PPARGC1A: variants seen among roughly 807,000 people sequenced by gnomAD.
PPARGC1A encodes PPARG coactivator 1 alpha.
Under a neutral mutation model 88.7 loss-of-function variants are expected in PPARGC1A, and 25 were observed. That is an observed-to-expected ratio of 0.28 (90% CI 0.21 to 0.39). PPARGC1A has a LOEUF of 0.39. PPARGC1A is among the 10% of genes least tolerant of loss of function. The pLI is 1.00. For missense variants in PPARGC1A, 880 were observed against 968.7 expected, an observed-to-expected ratio of 0.91 and a Z score of 1.22; for synonymous variants, 363 against 355.6, an observed-to-expected ratio of 1.02 and a Z score of -0.24.
At chr4:24,299,562 C>G in the PPARGC1A span, among the ~76,000 whole-genome samples, 9 of 152,240 alleles carry the variant, frequency 5.9e-5, no homozygotes, top group South Asian at 1.9e-3. Context: ...AGAGCTAGCT[C>G]ACTCCTTGGA....
intron 5 of PPARGC1A, among the ~76,000 whole-genome samples, 169 bp downstream of exon 5, chr4:23,828,231 G>A (rs1724339772): frequency 6.6e-6 from 1 of 152,176 alleles, no homozygotes; most frequent in South Asian, 2.1e-4. Flanking sequence ...TGTTTAACCT[G>A]TGTCCAAGGA....
Position 23,811,190 on chromosome 4 carries a change from C to G in PPARGC1A, c.2019+1557G>C, listed in dbSNP as rs58922635. 4.6e-3 allele frequency among the ~76,000 whole-genome samples: 700 copies of G among 152,302 alleles called. 3 individuals are homozygous for G. The highest frequency in any genetic ancestry group is 0.014 in the African/African-American group (602 of 41,558). On this transcript the variant is annotated intron_variant, in intron 10 of 12. Coordinates refer to ENST00000264867, the MANE Select transcript of PPARGC1A (RefSeq NM_013261.5). ...TGTGTTGAACAAATCTCTCATTTAA[C>G]CTTTTTCCTCCAGCTGGTAACTGTT...
the PPARGC1A span, among the ~76,000 whole-genome samples, chr4:24,451,189 A>T: frequency 6.6e-6 from 1 of 152,208 alleles, no homozygotes; most frequent in Non-Finnish European, 1.5e-5. Context: ...TGATGTCTGC[A>T]TAAAAATGGA....
At chr4:24,042,775 T>C in the PPARGC1A span, among the ~76,000 whole-genome samples, 2 of 152,164 alleles carry the variant, frequency 1.3e-5, no homozygotes, top group Non-Finnish European at 2.9e-5. Context: ...ATGTGCCCTA[T>C]GGGTATATAA....
chr4:24,154,222 CTGTGTTCTACCACAG>C, the PPARGC1A span, among the ~76,000 whole-genome samples: 13,959 of 152,240 alleles, frequency 0.092, 671 homozygotes, highest in African/African-American at 0.11. Flanking sequence ...CGCTCATAAG[CTGTGTTCTACCACAG>C]TGACTTATGT....
At chr4:24,046,618 C>G in the PPARGC1A span, among the ~76,000 whole-genome samples, 1 of 152,228 alleles carries the variant, frequency 6.6e-6, no homozygotes, top group African/African-American at 2.4e-5. Flanking sequence ...TTTAGTATGT[C>G]CTGTGTGGCA....
At chr4:24,109,192 C>G in the PPARGC1A span, among the ~76,000 whole-genome samples, 1 of 151,782 alleles carries the variant, frequency 6.6e-6, no homozygotes, top group African/African-American at 2.4e-5. Flanking sequence ...AATATGGCCC[C>G]CAGCAGGCCT....
chr4:24,455,674 G>A, the PPARGC1A span, among the ~76,000 whole-genome samples: 2 of 152,310 alleles, frequency 1.3e-5, no homozygotes, highest in African/African-American at 2.4e-5. Context: ...ATGGATTACT[G>A]TCATTATCTC....
chr4:24,339,373 T>C, the PPARGC1A span, among the ~76,000 whole-genome samples: 1 of 151,942 alleles, frequency 6.6e-6, no homozygotes. Context: ...ATTTTTTTTT[T>C]CTTTATCTTA....
At chr4:24,271,461 T>A in the PPARGC1A span, among the ~76,000 whole-genome samples, 1 of 152,248 alleles carries the variant, frequency 6.6e-6, no homozygotes, top group African/African-American at 2.4e-5. Context: ...CACTGTAAGC[T>A]CCACCACCCA....
chr4:24,370,749 CTTTTTTTTTTTTTTT>C, the PPARGC1A span, among the ~76,000 whole-genome samples: 87 of 62,920 alleles, frequency 1.4e-3, no homozygotes, highest in South Asian at 5.0e-3. Flanking sequence ...CTGTCTCTCT[CTTTTTTTTTTTTTTT>C]TTTTTTTTTT....
chr4:23,880,256 T>C (rs1715662132), intron 2 of PPARGC1A, among the ~76,000 whole-genome samples: 1 of 152,192 alleles, frequency 6.6e-6, no homozygotes. Flanking sequence ...TTCCTAATTG[T>C]TTTACATTTG....
At chr4:23,813,355 G>A (rs948635417) in intron 8 of PPARGC1A, among the ~76,000 whole-genome samples, 3 of 152,136 alleles carry the variant, frequency 2.0e-5, no homozygotes, top group African/African-American at 4.8e-5. Context: ...TGAGCACCAG[G>A]TCTGGTACAC....
At chr4:23,844,238 C>A (rs1287801934) in intron 2 of PPARGC1A, among the ~76,000 whole-genome samples, 2 of 147,798 alleles carry the variant, frequency 1.4e-5, no homozygotes, top group Non-Finnish European at 3.0e-5. Context: ...AGTTTATAAT[C>A]TAGTCAAGGG....
intron 12 of PPARGC1A, among the ~76,000 whole-genome samples, chr4:23,800,682 T>C (rs56802219): frequency 0.028 from 4,258 of 151,536 alleles, 210 homozygotes; most frequent in African/African-American, 0.098. Flanking sequence ...AATCACTTCG[T>C]TGGTAATAGT....
the PPARGC1A span, among the ~76,000 whole-genome samples, chr4:23,979,730 C>A: frequency 3.4e-3 from 512 of 152,300 alleles, 5 homozygotes; most frequent in African/African-American, 0.012. Context: ...CCTGGCTGTG[C>A]AGGGAGGGAA....
chr4:24,254,182 C>T, the PPARGC1A span, among the ~76,000 whole-genome samples: 1 of 152,150 alleles, frequency 6.6e-6, no homozygotes, highest in East Asian at 1.9e-4. Flanking sequence ...TTACGAACTG[C>T]CTGGTATCTT....
chr4:24,430,016 T>C, the PPARGC1A span, among the ~76,000 whole-genome samples: 3 of 152,082 alleles, frequency 2.0e-5, no homozygotes, highest in African/African-American at 4.8e-5. Context: ...CCTGGTCCTA[T>C]GTAAGAACCT....
chr4:24,010,665 A>G, the PPARGC1A span, among the ~76,000 whole-genome samples: 1 of 152,336 alleles, frequency 6.6e-6, no homozygotes, highest in Admixed American at 6.5e-5. Context: ...CTTTCTATAA[A>G]AATATACATT....
Sources: allele counts gnomAD v4.1 joint callset (sites outside exome capture counted in the v4.1 genomes callset), GRCh38; gene constraint gnomAD v4.1.1; transcripts MANE v1.5; gene names NCBI Gene and HGNC (gene_info 2026-07-23, HGNC 2026-07-21).